The following STAU2 variants were observed in gnomAD, a reference collection of about 807,000 sequenced individuals.
STAU2 encodes staufen double-stranded RNA binding protein 2, also known as double-stranded RNA-binding protein Staufen homolog 2.
STAU2 carries 20 observed loss-of-function variants against 65.9 expected under a neutral mutation model. The ratio of observed to expected loss-of-function variants is 0.30; its 90% CI spans 0.21 to 0.44. The LOEUF is 0.44. Among genes scored for constraint, STAU2 ranks in the 20% least tolerant of loss-of-function variants. The pLI, the probability that STAU2 is intolerant of heterozygous loss-of-function variation, is 1.00. For missense variants in STAU2, 558 were observed against 683.9 expected, an observed-to-expected ratio of 0.82 and a Z score of 2.05; for synonymous variants, 232 against 233.9, an observed-to-expected ratio of 0.99 and a Z score of 0.07.
intron 6 of STAU2, among the ~76,000 whole-genome samples, chr8:73,641,243 G>A (rs962035709): frequency 6.6e-6 from 1 of 151,932 alleles, no homozygotes; most frequent in Non-Finnish European, 1.5e-5. Flanking sequence ...CTATATTAAC[G>A]AGCTACTAGG....
intron 1 of STAU2, among the ~76,000 whole-genome samples, chr8:73,741,236 C>G (rs1209635085): frequency 1.5e-4 from 21 of 143,848 alleles, no homozygotes; most frequent in African/African-American, 4.8e-4. Flanking sequence ...ACCCGGGAGG[C>G]GGAGCTTGCA....
intron 13 of STAU2, among the ~76,000 whole-genome samples, chr8:73,543,724 C>G (rs1585971911): frequency 6.6e-6 from 1 of 152,278 alleles, no homozygotes; most frequent in East Asian, 1.9e-4. Flanking sequence ...GTACCTGGTC[C>G]ATGGCAGGTG....
chr8:73,651,622 T>C, intron 6 of STAU2: 2 of 616,968 alleles, frequency 3.2e-6, no homozygotes, highest in Non-Finnish European at 5.9e-6. Context: ...CCTTCTGGGG[T>C]CTCTGCAAGT....
chr8:73,572,516 C>A (rs1809182574), intron 12 of STAU2, among the ~76,000 whole-genome samples: 2 of 152,160 alleles, frequency 1.3e-5, no homozygotes, highest in Admixed American at 1.3e-4. Context: ...TACTGGCAAA[C>A]CGAATCCAGC....
intron 14 of STAU2, among the ~76,000 whole-genome samples, chr8:73,422,121 A>G (rs1816425928): frequency 6.6e-6 from 1 of 152,174 alleles, no homozygotes; most frequent in African/African-American, 2.4e-5. Context: ...TGGGAGCCAC[A>G]CTTTGTGGCA....
chr8:73,687,456 T>C (rs1157297271), intron 5 of STAU2, among the ~76,000 whole-genome samples: 2 of 138,158 alleles, frequency 1.4e-5, no homozygotes, highest in Non-Finnish European at 3.1e-5. Flanking sequence ...AAATATATAA[T>C]ATATAAAATA....
chr8:73,683,905 G>T (rs1160805972), intron 5 of STAU2, among the ~76,000 whole-genome samples: 2 of 152,048 alleles, frequency 1.3e-5, no homozygotes, highest in African/African-American at 4.8e-5. Flanking sequence ...TAATGAAGAA[G>T]GTGGAAAGAA....
At chr8:73,458,491 T>G (rs7839905) in intron 13 of STAU2, among the ~76,000 whole-genome samples, 34,691 of 152,126 alleles carry the variant, frequency 0.23, 4,411 homozygotes, top group East Asian at 0.52. Context: ...AGACATTCTC[T>G]CCCAATACTT....
chr8:73,584,864 T>C (rs1181968959), intron 11 of STAU2, among the ~76,000 whole-genome samples: 2 of 152,190 alleles, frequency 1.3e-5, no homozygotes, highest in Non-Finnish European at 2.9e-5. Context: ...TAAAAGATTT[T>C]GAAAAGCAGC....
intron 3 of STAU2, among the ~76,000 whole-genome samples, chr8:73,737,350 T>A (rs1318245810): frequency 6.6e-6 from 1 of 151,740 alleles, no homozygotes; most frequent in African/African-American, 2.4e-5. Context: ...TTGTATTTTT[T>A]AGTAGAGACG....
At chr8:73,704,759 C>T (rs1178435373) in intron 4 of STAU2, among the ~76,000 whole-genome samples, 2 of 152,124 alleles carry the variant, frequency 1.3e-5, no homozygotes, top group African/African-American at 2.4e-5. Flanking sequence ...ACCTCCGCCT[C>T]CCAGGTTCAA....
intron 3 of STAU2, among the ~76,000 whole-genome samples, chr8:73,729,924 T>C (rs1030206680): frequency 6.6e-6 from 1 of 152,186 alleles, no homozygotes; most frequent in Non-Finnish European, 1.5e-5. Context: ...CTGTGTTTTT[T>C]CTTTGTCAGT....
At chr8:73,506,967 T>C (rs1822105394) in intron 13 of STAU2, among the ~76,000 whole-genome samples, 2 of 152,344 alleles carry the variant, frequency 1.3e-5, no homozygotes, top group South Asian at 4.1e-4. Context: ...ATTGCAGTAA[T>C]TCAGCGCTAT....
At chr8:73,737,986 T>C (rs537372983) in intron 3 of STAU2, among the ~76,000 whole-genome samples, 5 of 151,846 alleles carry the variant, frequency 3.3e-5, no homozygotes, top group Admixed American at 1.3e-4. Context: ...CTACTGAAGC[T>C]GTATCATGAT....
chr8:73,441,830 A>G (rs1477047704), intron 13 of STAU2, among the ~76,000 whole-genome samples: 2 of 152,240 alleles, frequency 1.3e-5, no homozygotes, highest in Non-Finnish European at 2.9e-5. Flanking sequence ...GTTAAGTATT[A>G]TGTGTCTCTA....
intron 2 of STAU2, 114 bp downstream of exon 2, chr8:73,739,642 T>C: frequency 1.1e-6 from 1 of 942,496 alleles, no homozygotes; most frequent in East Asian, 3.0e-5. Flanking sequence ...CTGCATCAAT[T>C]TTTATTTATT....
intron 13 of STAU2, among the ~76,000 whole-genome samples, chr8:73,522,512 A>G (rs1485385325): frequency 2.0e-5 from 3 of 152,220 alleles, no homozygotes; most frequent in Non-Finnish European, 2.9e-5. Flanking sequence ...AAATTTCATA[A>G]GACAATTGGC....
intron 12 of STAU2, among the ~76,000 whole-genome samples, chr8:73,573,750 A>T (rs1809292938): frequency 6.6e-6 from 1 of 152,222 alleles, no homozygotes; most frequent in Non-Finnish European, 1.5e-5. Context: ...CAAAAAAATT[A>T]ATTCAAGATG....
chr8:73,494,816 ATAT>A (rs907155912), intron 13 of STAU2, among the ~76,000 whole-genome samples: 4 of 151,710 alleles, frequency 2.6e-5, no homozygotes, highest in Non-Finnish European at 5.9e-5. Flanking sequence ...CTTTTATGAA[ATAT>A]TATCTTAAAT....
Sources: allele counts gnomAD v4.1 joint callset (sites outside exome capture counted in the v4.1 genomes callset), GRCh38; gene constraint gnomAD v4.1.1; transcripts MANE v1.5; gene names NCBI Gene and HGNC (gene_info 2026-07-23, HGNC 2026-07-21).